The following SEL1L variants were observed in gnomAD, a reference collection of about 807,000 sequenced individuals.
SEL1L encodes the protein SEL1L adaptor subunit of SYVN1 ubiquitin ligase.
In SEL1L, 52 loss-of-function variants were observed where a neutral mutation model predicts 109.8. That is an observed-to-expected ratio of 0.47 (90% CI 0.38 to 0.60). SEL1L has a LOEUF of 0.60. SEL1L is among the 20% of genes least tolerant of loss of function. The pLI is 0.00. For missense variants in SEL1L, 749 were observed against 962.2 expected (o/e 0.78, Z 2.93); for synonymous variants, 373 against 339.6 (o/e 1.10, Z -1.08).
At chr14:81,491,941 C>T (rs747332379) in intron 12 of SEL1L, among the ~76,000 whole-genome samples, 2 of 152,184 alleles carry the variant, frequency 1.3e-5, no homozygotes, top group South Asian at 2.1e-4. Context: ...AGAATACATT[C>T]CTCATTATTG....
chr14:81,507,982 A>AT (rs1166006187), intron 3 of SEL1L, among the ~76,000 whole-genome samples: 1 of 152,226 alleles, frequency 6.6e-6, no homozygotes, highest in African/African-American at 2.4e-5. Context: ...CTTATCTCCA[A>AT]ATAGGAATAA....
At chr14:81,515,774 A>G (rs1441022172) in intron 3 of SEL1L, among the ~76,000 whole-genome samples, 1 of 152,186 alleles carries the variant, frequency 6.6e-6, no homozygotes, top group East Asian at 1.9e-4. Context: ...AGCCGCAGAT[A>G]TCAGAAGAAA....
Position 81,533,723 on chromosome 14 carries a change from T to A in SEL1L, c.22A>T (p.Thr8Ser). ...AGCAGCACCGCACACAGCAGCAGCG[T>A]CAGCCCTATCCGGACCCGCATCCTC... Reference protein sequence around the residue: MRVRIGLTLLLCAVLLSL... With the variant: MRVRIGLSLLLCAVLLSL... The change falls in exon 1 of 21, where the codon ACG becomes TCG. Residue 8 changes from threonine (T) to serine (S), a missense_variant. This residue lies in a region of SEL1L where 366 missense variants were observed against 399.8 expected (regional missense o/e 0.92). Transcript: ENST00000336735. 3 of 1,613,560 alleles carry A rather than the reference T, an allele frequency of 1.9e-6. No homozygotes were observed. Among genetic ancestry groups the A allele is most frequent in the Non-Finnish European group, 2.5e-6 (3 of 1,179,842 alleles).
At chr14:81,495,052 A>C in intron 11 of SEL1L, 29 bp downstream of exon 11, 1 of 1,605,428 alleles carries the variant, frequency 6.2e-7, no homozygotes, top group Non-Finnish European at 8.5e-7. Context: ...TAAAACTGAG[A>C]TGCAAAGCCC....
chr14:81,505,044 G>A (rs113398946), intron 4 of SEL1L, among the ~76,000 whole-genome samples: 124 of 152,190 alleles, frequency 8.1e-4, no homozygotes, highest in African/African-American at 2.9e-3. Context: ...GTGTGAGAAT[G>A]GACTAACACA....
At chr14:81,525,348 T>C (rs958737789) in intron 3 of SEL1L, among the ~76,000 whole-genome samples, 3 of 150,294 alleles carry the variant, frequency 2.0e-5, no homozygotes, top group Admixed American at 1.3e-4. Flanking sequence ...AAGGCTGCAG[T>C]GAACTATGAT....
At chr14:81,500,120 A>G (rs149861283) in intron 6 of SEL1L, among the ~76,000 whole-genome samples, 80 of 151,936 alleles carry the variant, frequency 5.3e-4, no homozygotes, top group Non-Finnish European at 1.0e-3. Context: ...CATGTCAGCC[A>G]GGCTGGTCTT....
chr14:81,472,536 T>C lies in SEL1L; in HGVS notation c.*4436A>G, dbSNP rs959667854. 16 of 427,772 alleles carry C rather than the reference T, an allele frequency of 3.7e-5. No homozygotes were observed. The highest frequency in any genetic ancestry group is 7.3e-5 in the Non-Finnish European group (16 of 220,098). The allele number at this position is 427,772 out of a possible 1,614,324, so 26.5% of individuals were successfully genotyped here. A position where few individuals can be genotyped will look rare whatever the true frequency, so the allele number is the denominator to read the frequency against. ...TTACTCAGAGCATATTTAGTCTAAA[T>C]GTTACTGTGTGGTACGTGTCTCTGC... On this transcript the variant is annotated 3_prime_UTR_variant, in exon 21 of 21. Coordinates refer to ENST00000336735, the MANE Select transcript of SEL1L (RefSeq NM_005065.6).
chr14:81,502,638 G>A, intron 6 of SEL1L, 83 bp downstream of exon 6: 1 of 1,322,192 alleles, frequency 7.6e-7, no homozygotes. Flanking sequence ...CTTTTTAAAA[G>A]AAGTCAGGAC....
rs990104580 is a variant in SEL1L, at chr14:81,472,084, A to T, written c.*4888T>A. On this transcript the variant is annotated 3_prime_UTR_variant, in exon 21 of 21. Transcript: ENST00000336735. ...CAACCTAAACTAGCATCATAAAGGA[A>T]GTTAGGAAAGAGGCTGTAGCTCATC... 1 of 152,430 alleles carries T rather than the reference A, an allele frequency of 6.6e-6. No individual in the cohort carries two copies. Among genetic ancestry groups the T allele is most frequent in the African/African-American group, 2.4e-5 (1 of 41,468 alleles). The allele number at this position is 152,430 out of a possible 1,614,324, so 9.4% of individuals were successfully genotyped here. A position where few individuals can be genotyped will look rare whatever the true frequency, so the allele number is the denominator to read the frequency against.
intron 3 of SEL1L, 62 bp from the exon 4 acceptor site, chr14:81,506,303 A>G: frequency 7.2e-7 from 1 of 1,391,168 alleles, no homozygotes. Flanking sequence ...CATGGATTCA[A>G]TGCCATCAAT....
chr14:81,484,334 T>A lies in SEL1L; in HGVS notation c.1937A>T (p.Asp646Val). The change falls in exon 19 of 21, where the codon GAT becomes GTT. Residue 646 changes from aspartate (D) to valine (V), a missense_variant. Physicochemically the swap from Asp to Val is radical, Grantham distance 152 (BLOSUM62 -3). This residue lies in a region of SEL1L where 383 missense variants were observed against 562.5 expected (regional missense o/e 0.68). Transcript: ENST00000336735. The stretch of plus-strand genomic sequence containing the variant: ...GTAATGAATAAATGCAGTTTCATAA[T>A]CTACATCGGTGCCAAACCCATAGAA... ...YHFYGFGTDV[D>V]YETAFIHYRL... 6.2e-7 allele frequency: 1 copy of A among 1,614,142 alleles called. No individual in the cohort carries two copies. The highest frequency in any genetic ancestry group is 8.5e-7 in the Non-Finnish European group (1 of 1,179,998).
At chr14:81,516,675 T>C (rs1444175590) in intron 3 of SEL1L, among the ~76,000 whole-genome samples, 2 of 152,236 alleles carry the variant, frequency 1.3e-5, no homozygotes, top group African/African-American at 2.4e-5. Context: ...TCTGGGATTC[T>C]ACAGTTTTGG....
At chr14:81,499,402 T>C in intron 8 of SEL1L, 57 bp downstream of exon 8, 1 of 1,580,818 alleles carries the variant, frequency 6.3e-7, no homozygotes, top group South Asian at 1.2e-5. Flanking sequence ...GTGGCCGCTA[T>C]AAACCACAAA....
chr14:81,498,308 AAG>A (rs1304779158), intron 9 of SEL1L, 103 bp downstream of exon 9: 1 of 968,868 alleles, frequency 1.0e-6, no homozygotes, highest in Non-Finnish European at 1.5e-6. Flanking sequence ...GTCCACATAA[AAG>A]AGCCATTTAT....
In SEL1L at chr14:81,474,005, G is replaced by A. The variant is rs1903082587; in HGVS notation, c.*2967C>T. ...GTTTCCAAAACTTCCCAACAGTACA[G>A]AGACAGAATGGCTTAGTGGTAAGAC... On this transcript the variant is annotated 3_prime_UTR_variant, in exon 21 of 21. Transcript: ENST00000336735. 6.6e-6 allele frequency: 1 copy of A among 151,940 alleles called. No homozygotes were observed. Among genetic ancestry groups the A allele is most frequent in the Admixed American group, 6.5e-5 (1 of 15,268 alleles). 9.4% of individuals were successfully genotyped at this position (151,940 alleles called of 1,614,324 possible).
At chr14:81,505,071 T>C (rs1472937235) in intron 4 of SEL1L, among the ~76,000 whole-genome samples, 1 of 152,120 alleles carries the variant, frequency 6.6e-6, no homozygotes, top group African/African-American at 2.4e-5. Flanking sequence ...CAAGGTCAGC[T>C]AAAATAAGGT....
intron 3 of SEL1L, among the ~76,000 whole-genome samples, chr14:81,520,793 G>A (rs1884876686): frequency 6.6e-6 from 1 of 152,184 alleles, no homozygotes; most frequent in African/African-American, 2.4e-5. Flanking sequence ...AACCTGGGAT[G>A]TATGTAGGCA....
At chr14:81,498,191 T>C in intron 9 of SEL1L, 145 bp from the exon 10 acceptor site, 1 of 907,898 alleles carries the variant, frequency 1.1e-6, no homozygotes, top group Non-Finnish European at 1.6e-6. Flanking sequence ...AGATCGCAAA[T>C]CAGTAATCTA....
Sources: allele counts gnomAD v4.1 joint callset (sites outside exome capture counted in the v4.1 genomes callset), GRCh38; gene constraint gnomAD v4.1.1; regional missense constraint gnomAD v4.1.1; transcripts MANE v1.5; gene names NCBI Gene and HGNC (gene_info 2026-07-23, HGNC 2026-07-21).